Variants in CCDC178 observed in about 807,000 individuals in gnomAD.
CCDC178 encodes the protein coiled-coil domain containing 178.
CCDC178 carries 126 observed loss-of-function variants against 117.4 expected under a neutral mutation model. The ratio of observed to expected loss-of-function variants is 1.07; its 90% confidence interval spans 0.93 to 1.24. CCDC178 has a LOEUF of 1.24. Among genes scored for constraint, CCDC178 ranks in the 50% most tolerant of loss-of-function variants. CCDC178 has a pLI of 0.00. For synonymous variants in CCDC178, 283 were observed against 313.4 expected (o/e 0.90, Z 1.02); for missense variants, 1,030 against 986.9 (o/e 1.04, Z -0.59).
chr18:33,035,722 T>G (rs370330306), intron 21 of CCDC178, among the ~76,000 whole-genome samples: 77 of 152,150 alleles, frequency 5.1e-4, no homozygotes, highest in African/African-American at 1.8e-3. Context: ...AAAGTGTTAA[T>G]TTGATTGTGG....
At position 33,002,541 on chromosome 18, in the gene CCDC178, T is replaced by C. The variant is rs143864742; in HGVS notation, c.2389-27860A>G. ...CTATGGGATATGGTAAAAGCAGTAC[T>C]ATAAGGAAAGTTTATAGCAATAAGA... On this transcript the variant is annotated intron_variant, in intron 21 of 22. Coordinates refer to ENST00000383096, the MANE Select transcript of CCDC178 (RefSeq NM_001105528.4). Among the ~76,000 whole-genome samples the C allele has an allele frequency of 2.5e-3, 378 of 152,056 alleles. 3 individuals carry two copies. The highest frequency in any genetic ancestry group is 8.5e-3 in the African/African-American group (355 of 41,526).
chr18:33,144,543 T>C (rs2058247579), intron 20 of CCDC178, among the ~76,000 whole-genome samples: 1 of 152,076 alleles, frequency 6.6e-6, no homozygotes, highest in Non-Finnish European at 1.5e-5. Context: ...TCAAGCCTAT[T>C]GTCATTATGT....
At chr18:33,424,199 T>C (rs72942662) in intron 2 of CCDC178, among the ~76,000 whole-genome samples, 16,956 of 152,222 alleles carry the variant, frequency 0.11, 1,177 homozygotes, top group East Asian at 0.19. Flanking sequence ...GCTGATTCAC[T>C]TTATCCAAAT....
chr18:33,362,963 C>G (rs1382889111), intron 6 of CCDC178, among the ~76,000 whole-genome samples: 1 of 151,776 alleles, frequency 6.6e-6, no homozygotes, highest in Non-Finnish European at 1.5e-5. Flanking sequence ...GAGTAAATTA[C>G]AAATTTTAAT....
intron 3 of CCDC178, among the ~76,000 whole-genome samples, chr18:33,400,268 A>T (rs1043988176): frequency 1.3e-5 from 2 of 152,044 alleles, no homozygotes; most frequent in East Asian, 1.9e-4. Context: ...TAGAATGGTA[A>T]ATGAGCATTA....
intron 2 of CCDC178, among the ~76,000 whole-genome samples, chr18:33,421,803 A>C (rs1160108763): frequency 6.6e-6 from 1 of 152,206 alleles, no homozygotes; most frequent in African/African-American, 2.4e-5. Context: ...GGATATGAGA[A>C]TGAATAGAGT....
chr18:33,227,406 C>T lies in CCDC178; in HGVS notation c.1594-551G>A, dbSNP rs1038473555. Among the ~76,000 whole-genome samples, 22 of 151,062 alleles carry T rather than the reference C, an allele frequency of 1.5e-4. No homozygotes were observed. The South Asian group carries it at 2.5e-3, about 17-fold the overall frequency. On this transcript the variant is annotated intron_variant, in intron 15 of 22. Coordinates refer to ENST00000383096, the MANE Select transcript of CCDC178 (RefSeq NM_001105528.4). ...TTCATAGATTTGCTTTAAATTATCA[C>T]GCAAAACCAGAATTGGAAGTAGTTC...
chr18:33,186,225 C>A (rs2058792482), intron 20 of CCDC178, among the ~76,000 whole-genome samples: 1 of 152,022 alleles, frequency 6.6e-6, no homozygotes, highest in Non-Finnish European at 1.5e-5. Flanking sequence ...ATCACTCTTT[C>A]TACTAGGAAA....
intron 21 of CCDC178, among the ~76,000 whole-genome samples, chr18:32,989,041 C>T (rs555247777): frequency 2.8e-4 from 42 of 152,194 alleles, no homozygotes; most frequent in Middle Eastern, 6.8e-3. Flanking sequence ...GTTTTAAAGA[C>T]ACAGTTTCTT....
intron 20 of CCDC178, among the ~76,000 whole-genome samples, chr18:33,191,843 T>C (rs1166944358): frequency 6.6e-6 from 1 of 152,150 alleles, no homozygotes; most frequent in African/African-American, 2.4e-5. Flanking sequence ...TAAATATCTA[T>C]ATTTAAGTAA....
At chr18:33,038,145 T>C (rs2056479668) in intron 21 of CCDC178, among the ~76,000 whole-genome samples, 1 of 151,946 alleles carries the variant, frequency 6.6e-6, no homozygotes, top group Non-Finnish European at 1.5e-5. Flanking sequence ...AGCAAACTAC[T>C]ATAGACATTT....
At chr18:33,111,649 C>T (rs273039) in intron 20 of CCDC178, among the ~76,000 whole-genome samples, 24,247 of 151,546 alleles carry the variant, frequency 0.16, 2,717 homozygotes, top group African/African-American at 0.32. Flanking sequence ...TTCATTTAAA[C>T]ACAATTAATA....
intron 20 of CCDC178, among the ~76,000 whole-genome samples, chr18:33,150,759 T>A (rs1184440930): frequency 1.3e-5 from 2 of 152,126 alleles, no homozygotes; most frequent in Non-Finnish European, 2.9e-5. Context: ...CAATTCAGCA[T>A]TCAATCCAGC....
intron 12 of CCDC178, among the ~76,000 whole-genome samples, chr18:33,286,214 A>G (rs1364538057): frequency 6.6e-6 from 1 of 152,006 alleles, no homozygotes; most frequent in Non-Finnish European, 1.5e-5. Context: ...TGACCTGGTG[A>G]TCCATCTTCC....
intron 21 of CCDC178, among the ~76,000 whole-genome samples, chr18:33,073,370 C>A (rs1364959922): frequency 6.6e-6 from 1 of 151,926 alleles, no homozygotes; most frequent in African/African-American, 2.4e-5. Context: ...TACTGTAGCT[C>A]TTTATATCAT....
intron 18 of CCDC178, among the ~76,000 whole-genome samples, chr18:33,218,040 T>TGCA (rs1326649268): frequency 6.6e-6 from 1 of 152,078 alleles, no homozygotes; most frequent in Non-Finnish European, 1.5e-5. Context: ...ACATAAAACA[T>TGCA]GCAGCAAATA....
intron 6 of CCDC178, among the ~76,000 whole-genome samples, chr18:33,364,364 T>C (rs1229324255): frequency 1.3e-5 from 2 of 152,038 alleles, no homozygotes; most frequent in Admixed American, 6.6e-5. Flanking sequence ...CTGCAAAGAA[T>C]AAATGAGTGA....
At chr18:33,123,957 T>C (rs1232158635) in intron 20 of CCDC178, among the ~76,000 whole-genome samples, 1 of 152,100 alleles carries the variant, frequency 6.6e-6, no homozygotes, top group East Asian at 1.9e-4. Context: ...CCTGAAGAAA[T>C]AATGGAGCGT....
chr18:33,296,390 AAC>A (rs145798701), intron 11 of CCDC178, among the ~76,000 whole-genome samples: 3 of 151,734 alleles, frequency 2.0e-5, no homozygotes, highest in Non-Finnish European at 2.9e-5. Context: ...TATAATAATA[AAC>A]ACACACACAC....
Sources: gnomAD v4.1 joint callset for allele counts (sites outside exome capture counted in the v4.1 genomes callset) on GRCh38, gnomAD v4.1.1 for gene constraint, MANE v1.5 for transcripts, NCBI Gene and HGNC (gene_info 2026-07-23, HGNC 2026-07-21) for gene names.